The following PDE8B variants were observed in gnomAD, a reference collection of about 807,000 sequenced individuals.
PDE8B encodes phosphodiesterase 8B, also known as high affinity cAMP-specific and IBMX-insensitive 3',5'-cyclic phosphodiesterase 8B.
PDE8B carries 26 observed loss-of-function variants against 101.3 expected under a neutral mutation model. The observed-to-expected ratio is 0.26, with a 90% confidence interval of 0.19 to 0.36. The LOEUF (loss-of-function observed/expected upper bound fraction) is 0.36. PDE8B is among the 10% of genes least tolerant of loss of function. The pLI is 1.00. For missense variants in PDE8B, 810 were observed against 1,163.1 expected (o/e 0.70, Z 4.42); for synonymous variants, 424 against 429.3 (o/e 0.99, Z 0.15).
At chr5:77,202,921 G>C in the PDE8B span, among the ~76,000 whole-genome samples, 42 of 152,352 alleles carry the variant, frequency 2.8e-4, no homozygotes, top group African/African-American at 1.0e-3. Flanking sequence ...TTTTTGAGGA[G>C]TCAAAAGTAA....
intron 4 of PDE8B, among the ~76,000 whole-genome samples, chr5:77,330,672 A>G (rs1374042413): frequency 6.6e-6 from 1 of 151,746 alleles, no homozygotes; most frequent in Non-Finnish European, 1.5e-5. Context: ...CTTTTATTCC[A>G]TTTTTCTTCC....
chr5:77,379,171 A>G (rs1786965861), intron 10 of PDE8B, among the ~76,000 whole-genome samples: 1 of 152,196 alleles, frequency 6.6e-6, no homozygotes, highest in African/African-American at 2.4e-5. Flanking sequence ...AGAAGTTATG[A>G]CCAAGGGACA....
the PDE8B span, among the ~76,000 whole-genome samples, chr5:77,132,162 T>A: frequency 6.6e-6 from 1 of 152,286 alleles, no homozygotes. Flanking sequence ...TTTATCAGAG[T>A]AATATATGTA....
the PDE8B span, among the ~76,000 whole-genome samples, chr5:77,102,857 G>A: frequency 6.6e-6 from 1 of 152,188 alleles, no homozygotes; most frequent in Non-Finnish European, 1.5e-5. Flanking sequence ...AAAATCTTGA[G>A]AAAGGACTTG....
At chr5:77,132,395 C>T in the PDE8B span, among the ~76,000 whole-genome samples, 1 of 152,162 alleles carries the variant, frequency 6.6e-6, no homozygotes, top group Non-Finnish European at 1.5e-5. Context: ...TTCCCATTCT[C>T]TCAATATAGT....
chr5:77,326,281 C>T (rs1776046126), intron 3 of PDE8B, among the ~76,000 whole-genome samples: 1 of 152,104 alleles, frequency 6.6e-6, no homozygotes, highest in Non-Finnish European at 1.5e-5. Context: ...GAAACACAGG[C>T]CTGTTCATAA....
chr5:77,214,054 T>C (rs979488979), intron 1 of PDE8B: 1 of 152,230 alleles, frequency 6.6e-6, no homozygotes, highest in African/African-American at 2.4e-5. Flanking sequence ...TTTCTTTCCT[T>C]TTTGCTTGCC....
the PDE8B span, chr5:77,140,283 C>G: frequency 3.3e-5 from 5 of 151,812 alleles, no homozygotes; most frequent in Admixed American, 3.3e-4. Context: ...AGCTTTTTTT[C>G]CTGATTTGTT....
intron 1 of PDE8B, among the ~76,000 whole-genome samples, chr5:77,215,273 C>A (rs1183188618): frequency 6.6e-6 from 1 of 152,196 alleles, no homozygotes; most frequent in Non-Finnish European, 1.5e-5. Context: ...GATACAGGCA[C>A]ATATTCTCTT....
At chr5:77,326,196 C>T (rs2150240448) in intron 3 of PDE8B, among the ~76,000 whole-genome samples, 1 of 152,316 alleles carries the variant, frequency 6.6e-6, no homozygotes, top group East Asian at 1.9e-4. Flanking sequence ...AATGCAGCCA[C>T]TTTTGCAGCA....
chr5:77,258,010 C>T lies in PDE8B; in HGVS notation c.339+46746C>T, dbSNP rs115033074. ...AGTGTTTAGAGGAACCCAGAGCAGC[C>T]GGGTGCAGTGGCTCACACCTGTAAT... On this transcript the variant is annotated intron_variant, in intron 1 of 21. Transcript: ENST00000264917. 5.0e-3 allele frequency among the ~76,000 whole-genome samples: 758 copies of T among 152,184 alleles called. 7 individuals carry two copies. Among genetic ancestry groups the T allele is most frequent in the African/African-American group, 0.018 (731 of 41,514 alleles).
At chr5:77,318,317 C>T (rs1774289034) in intron 2 of PDE8B, among the ~76,000 whole-genome samples, 1 of 152,116 alleles carries the variant, frequency 6.6e-6, no homozygotes, top group Admixed American at 6.6e-5. Context: ...TCTTCTACCT[C>T]GTCCAGCCAG....
At chr5:77,293,761 CA>C (rs1345622889) in intron 1 of PDE8B, among the ~76,000 whole-genome samples, 1 of 152,186 alleles carries the variant, frequency 6.6e-6, no homozygotes, top group African/African-American at 2.4e-5. Flanking sequence ...CAGCAATTAA[CA>C]TTGTCAGTTT....
intron 10 of PDE8B, among the ~76,000 whole-genome samples, chr5:77,383,954 G>A (rs1226553616): frequency 6.6e-6 from 1 of 152,106 alleles, no homozygotes; most frequent in Non-Finnish European, 1.5e-5. Flanking sequence ...GGATTGTCTT[G>A]GCTATGCGGG....
At chr5:77,341,432 T>C (rs933034419) in intron 6 of PDE8B, among the ~76,000 whole-genome samples, 3 of 152,256 alleles carry the variant, frequency 2.0e-5, no homozygotes, top group Non-Finnish European at 2.9e-5. Flanking sequence ...TCTAAGATCA[T>C]GTATAAAGGC....
At chr5:77,159,493 G>A in the PDE8B span, among the ~76,000 whole-genome samples, 7 of 152,100 alleles carry the variant, frequency 4.6e-5, no homozygotes, top group Admixed American at 4.6e-4. Flanking sequence ...TCAGTTTTGG[G>A]ACTCGGACTG....
chr5:77,168,486 G>A, the PDE8B span, among the ~76,000 whole-genome samples: 2 of 152,248 alleles, frequency 1.3e-5, no homozygotes, highest in Non-Finnish European at 2.9e-5. Context: ...TGCCACTTGT[G>A]CCCTGGTGGG....
At chr5:77,237,158 G>A (rs1561393558) in intron 1 of PDE8B, among the ~76,000 whole-genome samples, 1 of 152,050 alleles carries the variant, frequency 6.6e-6, no homozygotes, top group Non-Finnish European at 1.5e-5. Context: ...TATGTTTGAA[G>A]TGAGTTTCTT....
In PDE8B at chr5:77,411,696, A is replaced by G; in HGVS notation, c.1551A>G (p.Ser517=). ...GLMTDGLRRL[S]GNEYVFTKNV... ...TCCAGGACGGCTTGAGAAGACTGTC[A>G]GGAAACGAGTATGTGTTTACTAAGA... is the stretch of plus-strand genomic sequence containing the variant. The change falls in exon 15 of 22, where the codon TCA becomes TCG. Residue 517 remains serine (S), a synonymous_variant. Coordinates refer to ENST00000264917, the MANE Select transcript of PDE8B (RefSeq NM_003719.5). The G allele has an allele frequency of 6.2e-7, 1 of 1,612,076 alleles. No homozygotes were observed. Among genetic ancestry groups the G allele is most frequent in the Non-Finnish European group, 8.5e-7 (1 of 1,178,164 alleles).
Sources: gnomAD v4.1 joint callset for allele counts (sites outside exome capture counted in the v4.1 genomes callset) on GRCh38, gnomAD v4.1.1 for gene constraint, MANE v1.5 for transcripts, NCBI Gene and HGNC (gene_info 2026-07-23, HGNC 2026-07-21) for gene names.